Variants in GABRG1 observed in about 807,000 individuals in gnomAD.
GABRG1 encodes gamma-aminobutyric acid type A receptor subunit gamma1.
Under a neutral mutation model 49.8 loss-of-function variants are expected in GABRG1, and 49 were observed. That is an observed-to-expected ratio of 0.98 (90% CI 0.78 to 1.25). GABRG1 has a LOEUF of 1.25. Ranked by LOEUF, GABRG1 falls within the 50% of genes most tolerant of loss-of-function variation. The pLI is 0.00. For missense variants in GABRG1, 552 were observed against 552.3 expected (o/e 1.00, Z 0.01); for synonymous variants, 232 against 185.1 (o/e 1.25, Z -2.06).
intron 3 of GABRG1, among the ~76,000 whole-genome samples, chr4:46,079,648 A>G (rs1287333666): frequency 2.6e-5 from 4 of 151,874 alleles, no homozygotes; most frequent in Non-Finnish European, 5.9e-5. Context: ...TGGAATTTTT[A>G]GTGGTAGCTA....
chr4:46,067,779 T>C (rs1718974398), intron 3 of GABRG1, among the ~76,000 whole-genome samples: 1 of 152,178 alleles, frequency 6.6e-6, no homozygotes, highest in Non-Finnish European at 1.5e-5. Context: ...CCGCATCCCA[T>C]AATACATAGT....
At chr4:46,045,308 A>C (rs146608589) in intron 8 of GABRG1, among the ~76,000 whole-genome samples, 1 of 152,230 alleles carries the variant, frequency 6.6e-6, no homozygotes, top group Non-Finnish European at 1.5e-5. Flanking sequence ...ATAAGCTAAA[A>C]GTGTTAAAAT....
At chr4:46,051,277 T>C in intron 8 of GABRG1, 147 bp downstream of exon 8, 1 of 607,386 alleles carries the variant, frequency 1.6e-6, no homozygotes, top group South Asian at 2.1e-5. Context: ...TGGTGAGCAA[T>C]GTTAGGTACT....
At chr4:46,065,121 C>T (rs1262196305) in intron 4 of GABRG1, among the ~76,000 whole-genome samples, 4 of 152,024 alleles carry the variant, frequency 2.6e-5, no homozygotes, top group African/African-American at 9.7e-5. Flanking sequence ...TATGCTGCAA[C>T]CTGTTCTGCT....
intron 1 of GABRG1, among the ~76,000 whole-genome samples, chr4:46,122,989 G>T (rs1329404825): frequency 6.6e-6 from 1 of 151,776 alleles, no homozygotes; most frequent in Non-Finnish European, 1.5e-5. Flanking sequence ...CTACCAGAAT[G>T]ACTTAAACAT....
In GABRG1 at chr4:46,038,670, A is replaced by T. The variant is rs1350518271; in HGVS notation, c.*2318T>A. 6.6e-6 allele frequency: 1 copy of T among 151,664 alleles called. No individual in the cohort carries two copies. The highest frequency in any genetic ancestry group is 1.5e-5 in the Non-Finnish European group (1 of 67,680). The allele number at this position is 151,664 out of a possible 1,614,324, so 9.4% of individuals were successfully genotyped here. A position where few individuals can be genotyped will look rare whatever the true frequency, so the allele number is the denominator to read the frequency against. ...TTTGATTTCTTGAGAAAGAAGTCTAAATGTAGTTTTACCTTTTTATTCTTA... is the reference window on the plus strand; with the variant it reads ...TTTGATTTCTTGAGAAAGAAGTCTATATGTAGTTTTACCTTTTTATTCTTA... On this transcript the variant is annotated 3_prime_UTR_variant, in exon 9 of 9. Transcript: ENST00000295452.
intron 8 of GABRG1, among the ~76,000 whole-genome samples, chr4:46,044,299 C>G (rs1717903545): frequency 6.6e-6 from 1 of 151,918 alleles, no homozygotes; most frequent in Non-Finnish European, 1.5e-5. Context: ...ATGGCAAAAC[C>G]CTGTATCCAC....
At chr4:46,057,891 A>G (rs1307779280) in intron 7 of GABRG1, among the ~76,000 whole-genome samples, 1 of 152,134 alleles carries the variant, frequency 6.6e-6, no homozygotes, top group Admixed American at 6.6e-5. Context: ...ATGAAACGTG[A>G]TAGAAAAACT....
chr4:46,112,113 G>A (rs959792616), intron 1 of GABRG1, among the ~76,000 whole-genome samples: 1 of 151,240 alleles, frequency 6.6e-6, no homozygotes, highest in African/African-American at 2.4e-5. Context: ...CTAATATCTA[G>A]AATCCACAGG....
intron 2 of GABRG1, among the ~76,000 whole-genome samples, chr4:46,089,976 A>C (rs1719920642): frequency 6.6e-6 from 1 of 152,038 alleles, no homozygotes; most frequent in Admixed American, 6.6e-5. Flanking sequence ...AAAAATAAAA[A>C]CATAGGAAAA....
chr4:46,074,058 T>C (rs1225268943), intron 3 of GABRG1, among the ~76,000 whole-genome samples: 1 of 152,158 alleles, frequency 6.6e-6, no homozygotes, highest in Non-Finnish European at 1.5e-5. Context: ...ATGATTGATA[T>C]TCAGATGAAG....
At chr4:46,065,288 TA>T in intron 4 of GABRG1, 75 bp downstream of exon 4, 2 of 1,054,004 alleles carry the variant, frequency 1.9e-6, no homozygotes, top group Non-Finnish European at 2.7e-6. Context: ...CTTTGAGAAA[TA>T]AAAAATTAAG....
At chr4:46,094,805 T>C (rs1205940244) in intron 2 of GABRG1, among the ~76,000 whole-genome samples, 1 of 151,848 alleles carries the variant, frequency 6.6e-6, no homozygotes, top group Non-Finnish European at 1.5e-5. Flanking sequence ...TTAAAATACA[T>C]CAATAAGCTA....
rs780865598 is a variant in GABRG1 at position 46,123,899 on chromosome 4, T to A, written c.15A>T (p.Lys5Asn). 6 of 1,613,382 alleles carry A rather than the reference T, an allele frequency of 3.7e-6. No homozygotes were observed. In the African/African-American group the frequency reaches 8.0e-5, roughly 22 times the overall value. ...GAAGAAAAGGGGAGAAGAGAAAAGCTTTCAAAGGACCCATCGGAATCGCTT... is the reference window on the plus strand; with the variant it reads ...GAAGAAAAGGGGAGAAGAGAAAAGCATTCAAAGGACCCATCGGAATCGCTT... MGPL[K>N]AFLFSPFLLR... Residue 5 changes from lysine to asparagine, a missense_variant, in exon 1 of 9, where the codon AAA (lysine) becomes AAT (asparagine). By Grantham distance (94) the Lys-to-Asn change is moderately conservative (BLOSUM62 0). Coordinates refer to ENST00000295452, the MANE Select transcript of GABRG1 (RefSeq NM_173536.4).
At chr4:46,071,698 T>C (rs150522852) in intron 3 of GABRG1, among the ~76,000 whole-genome samples, 193 of 151,832 alleles carry the variant, frequency 1.3e-3, no homozygotes, top group African/African-American at 4.4e-3. Flanking sequence ...GTGTAGGATT[T>C]TTAGTTTTTA....
chr4:46,093,614 A>T (rs1202517820), intron 2 of GABRG1, among the ~76,000 whole-genome samples: 2 of 152,036 alleles, frequency 1.3e-5, no homozygotes, highest in Non-Finnish European at 2.9e-5. Flanking sequence ...GTTCATACCA[A>T]AAAGAAATGA....
At chr4:46,044,301 T>C (rs1369513815) in intron 8 of GABRG1, among the ~76,000 whole-genome samples, 1 of 151,930 alleles carries the variant, frequency 6.6e-6, no homozygotes, top group East Asian at 1.9e-4. Context: ...GGCAAAACCC[T>C]GTATCCACAA....
At chr4:46,117,550 GTCTCTCTCTC>G (rs373546541) in intron 1 of GABRG1, among the ~76,000 whole-genome samples, 4 of 116,686 alleles carry the variant, frequency 3.4e-5, no homozygotes, top group African/African-American at 9.0e-5. Flanking sequence ...TGTTATCTCT[GTCTCTCTCTC>G]TCTCTCTCTC....
intron 3 of GABRG1, among the ~76,000 whole-genome samples, chr4:46,081,318 A>G (rs1719559044): frequency 1.3e-5 from 2 of 151,832 alleles, no homozygotes; most frequent in African/African-American, 2.4e-5. Flanking sequence ...AGGTCAGTCT[A>G]TTGGAACATT....
Sources: gnomAD v4.1 joint callset for allele counts (sites outside exome capture counted in the v4.1 genomes callset) on GRCh38, gnomAD v4.1.1 for gene constraint, MANE v1.5 for transcripts, NCBI Gene and HGNC (gene_info 2026-07-23, HGNC 2026-07-21) for gene names.